Variants in RERE observed in about 807,000 individuals in gnomAD.
RERE encodes arginine-glutamic acid dipeptide repeats protein.
Under a neutral mutation model 146.1 loss-of-function variants are expected in RERE, and 40 were observed. That is an observed-to-expected ratio of 0.27 (90% CI 0.21 to 0.36). The LOEUF is 0.36. Ranked by LOEUF, RERE falls within the 10% of genes least tolerant of loss-of-function variation. The pLI, the probability that RERE is intolerant of heterozygous loss-of-function variation, is 1.00. For synonymous variants in RERE, 1,003 were observed against 866.0 expected, an observed-to-expected ratio of 1.16 and a Z score of -2.78; for missense variants, 1,933 against 2,138.7, an observed-to-expected ratio of 0.90 and a Z score of 1.90.
chr1:8,498,571 C>G (rs943708420), intron 8 of RERE, among the ~76,000 whole-genome samples: 1 of 150,886 alleles, frequency 6.6e-6, no homozygotes, highest in African/African-American at 2.4e-5. Flanking sequence ...TGGTATGTGC[C>G]TGTAATCCCA....
intron 10 of RERE, among the ~76,000 whole-genome samples, chr1:8,483,787 G>A (rs554518837): frequency 6.6e-6 from 1 of 152,286 alleles, no homozygotes; most frequent in African/African-American, 2.4e-5. Context: ...ATGTGGGTGT[G>A]CATAAATAAA....
At chr1:8,422,628 G>T in intron 12 of RERE, 99 bp downstream of exon 12, 1 of 884,952 alleles carries the variant, frequency 1.1e-6, no homozygotes, top group Non-Finnish European at 1.9e-6. Flanking sequence ...TCTGAGCACA[G>T]CGCAGGGTTA....
chr1:8,477,821 G>A (rs1644775346), intron 10 of RERE, among the ~76,000 whole-genome samples: 1 of 152,144 alleles, frequency 6.6e-6, no homozygotes, highest in African/African-American at 2.4e-5. Flanking sequence ...GCAAACAACA[G>A]TCCACCTAAT....
At chr1:8,702,995 T>C (rs1639486438) in intron 1 of RERE, 1 of 151,762 alleles carries the variant, frequency 6.6e-6, no homozygotes, top group Non-Finnish European at 1.5e-5. Flanking sequence ...CCCGCACTTG[T>C]CCAACTTTCT....
chr1:8,507,096 C>T (rs1008612481), intron 8 of RERE, among the ~76,000 whole-genome samples: 9 of 152,116 alleles, frequency 5.9e-5, no homozygotes, highest in Admixed American at 4.6e-4. Flanking sequence ...GTGAAAGCAT[C>T]CTAACTGATA....
chr1:8,514,852 G>T (rs1006550783), intron 7 of RERE, among the ~76,000 whole-genome samples: 4 of 152,176 alleles, frequency 2.6e-5, no homozygotes, highest in Non-Finnish European at 5.9e-5. Flanking sequence ...GGCACATTCT[G>T]AACTTCAGCA....
intron 1 of RERE, among the ~76,000 whole-genome samples, chr1:8,804,771 A>G (rs1641652171): frequency 6.6e-6 from 1 of 151,670 alleles, no homozygotes; most frequent in Non-Finnish European, 1.5e-5. Flanking sequence ...AAAGAGTTAC[A>G]TGTTGAAGGC....
chr1:8,541,463 T>A, intron 6 of RERE, 145 bp from the exon 7 acceptor site: 2 of 573,694 alleles, frequency 3.5e-6, no homozygotes, highest in Non-Finnish European at 6.2e-6. Flanking sequence ...TTTCACCTAT[T>A]CAGCTGTTTC....
intron 12 of RERE, among the ~76,000 whole-genome samples, chr1:8,382,617 G>C (rs1012298411): frequency 2.0e-5 from 3 of 152,166 alleles, no homozygotes; most frequent in African/African-American, 7.2e-5. Context: ...AGATGCACAG[G>C]CAAGACGTTA....
At chr1:8,640,291 T>C (rs1647160269) in intron 2 of RERE, among the ~76,000 whole-genome samples, 1 of 152,140 alleles carries the variant, frequency 6.6e-6, no homozygotes, top group Non-Finnish European at 1.5e-5. Context: ...TTTTAAACTA[T>C]ATGAATCTCT....
At chr1:8,661,065 A>C (rs757549642) in intron 1 of RERE, among the ~76,000 whole-genome samples, 1 of 115,176 alleles carries the variant, frequency 8.7e-6, no homozygotes, top group Non-Finnish European at 1.8e-5. Context: ...AAGATCTTAC[A>C]TGGGAAATCT....
intron 1 of RERE, among the ~76,000 whole-genome samples, chr1:8,694,983 G>GGGA (rs2124426432): frequency 8.0e-6 from 1 of 124,666 alleles, no homozygotes; most frequent in African/African-American, 3.1e-5. Context: ...AGGGGGGGGG[G>GGGA]GGAATGCTGG....
intron 7 of RERE, among the ~76,000 whole-genome samples, chr1:8,521,636 A>G (rs910904614): frequency 1.3e-5 from 2 of 152,260 alleles, no homozygotes; most frequent in Non-Finnish European, 2.9e-5. Context: ...AATCTTTACA[A>G]AAACTGTAAG....
intron 10 of RERE, among the ~76,000 whole-genome samples, chr1:8,472,803 T>C (rs1644705588): frequency 6.6e-6 from 1 of 151,862 alleles, no homozygotes; most frequent in African/African-American, 2.4e-5. Flanking sequence ...CAGGATGTCA[T>C]TCAGCAGAAA....
intron 1 of RERE, among the ~76,000 whole-genome samples, chr1:8,807,645 A>G (rs956689812): frequency 6.6e-6 from 1 of 152,210 alleles, no homozygotes; most frequent in Non-Finnish European, 1.5e-5. Flanking sequence ...ACAACTATGA[A>G]GATCAATGAA....
chr1:8,632,292 T>C (rs1421539873), intron 2 of RERE, among the ~76,000 whole-genome samples: 1 of 152,226 alleles, frequency 6.6e-6, no homozygotes, highest in Non-Finnish European at 1.5e-5. Context: ...TCTGATCTTC[T>C]GGTGTCACAT....
chr1:8,500,885 G>A (rs1365276060), intron 8 of RERE, among the ~76,000 whole-genome samples: 3 of 151,134 alleles, frequency 2.0e-5, no homozygotes, highest in African/African-American at 7.3e-5. Context: ...TGTGAGGAGC[G>A]CCTCTGCCTG....
intron 19 of RERE, among the ~76,000 whole-genome samples, chr1:8,359,403 T>G (rs1039039779): frequency 9.9e-5 from 15 of 152,122 alleles, no homozygotes; most frequent in African/African-American, 3.4e-4. Flanking sequence ...ATCGCCTGAG[T>G]GCTCAGGTCT....
chr1:8,729,124 A>T (rs1640030540), intron 1 of RERE, among the ~76,000 whole-genome samples: 1 of 149,562 alleles, frequency 6.7e-6, no homozygotes, highest in Non-Finnish European at 1.5e-5. Context: ...AGATCGTGCC[A>T]CACCATTGCA....
Sources: allele counts gnomAD v4.1 joint callset (sites outside exome capture counted in the v4.1 genomes callset), GRCh38; gene constraint gnomAD v4.1.1; transcripts MANE v1.5; gene names NCBI Gene and HGNC (gene_info 2026-07-23, HGNC 2026-07-21).